Variants in TNFAIP8L3 observed in about 807,000 individuals in gnomAD.
TNFAIP8L3 encodes tumor necrosis factor alpha-induced protein 8-like protein 3.
TNFAIP8L3 carries 7 observed loss-of-function variants against 11.8 expected under a neutral mutation model. The observed-to-expected ratio is 0.59, with a 90% CI of 0.34 to 1.11. The LOEUF is 1.11. Among genes scored for constraint, TNFAIP8L3 ranks in the 50% most tolerant of loss-of-function variants. The pLI is 0.03. For synonymous variants in TNFAIP8L3, 98 were observed against 103.8 expected (o/e 0.94, Z 0.34); for missense variants, 219 against 258.6 (o/e 0.85, Z 1.05).
chr15:51,067,485 T>C (rs1240115459), intron 1 of TNFAIP8L3, among the ~76,000 whole-genome samples: 1 of 152,202 alleles, frequency 6.6e-6, no homozygotes, highest in African/African-American at 2.4e-5. Context: ...AATGGAACTC[T>C]TAGAACCTCT....
intron 1 of TNFAIP8L3, among the ~76,000 whole-genome samples, chr15:51,085,448 G>A (rs538569851): frequency 9.8e-4 from 149 of 152,290 alleles, no homozygotes; most frequent in African/African-American, 3.4e-3. Flanking sequence ...CCTGGGCAAC[G>A]TGCTAGCGTG....
In TNFAIP8L3 at chr15:51,105,167, G is replaced by A. The variant is rs760354836; in HGVS notation, c.10C>T (p.Pro4Ser). 3.1e-6 allele frequency: 5 copies of A among 1,613,454 alleles called. No individual in the cohort carries two copies. In the South Asian group the frequency reaches 5.5e-5, roughly 18 times the overall value. The change falls in exon 1 of 3, where the codon CCA (proline) becomes TCA (serine). Residue 4 changes from proline (P) to serine (S), a missense_variant. Pro to Ser is a moderately conservative substitution (Grantham distance 74, BLOSUM62 -1). Coordinates refer to the TNFAIP8L3 transcript ENST00000327536. ...ACCAGTGTGCTTGGGTTTTGCCGTG[G>A]TTTCCCCATTTGGACTCAGGTGTCC...
At chr15:51,095,214 GA>G, upstream of TNFAIP8L3, among the ~76,000 whole-genome samples, 1 of 138,280 alleles carries the variant, frequency 7.2e-6, no homozygotes, top group Non-Finnish European at 1.6e-5. Context: ...GAAGATGAGG[GA>G]AGGGGGGCGG....
At chr15:51,072,786 G>A (rs2065319755) in intron 1 of TNFAIP8L3, among the ~76,000 whole-genome samples, 1 of 151,820 alleles carries the variant, frequency 6.6e-6, no homozygotes, top group Non-Finnish European at 1.5e-5. Context: ...ATTAGACTCT[G>A]GTCTATTTCA....
intron 1 of TNFAIP8L3, among the ~76,000 whole-genome samples, chr15:51,077,038 C>CTTCT (rs2065356761): frequency 6.6e-6 from 1 of 152,162 alleles, no homozygotes; most frequent in Non-Finnish European, 1.5e-5. Context: ...AATCCTCCTG[C>CTTCT]TTCTTTCTCA....
At chr15:51,096,158 C>T (rs968451021), upstream of TNFAIP8L3, among the ~76,000 whole-genome samples, 3 of 152,124 alleles carry the variant, frequency 2.0e-5, no homozygotes, top group Non-Finnish European at 2.9e-5. Flanking sequence ...GTCTGATGTC[C>T]AGATCTGCTC....
At chr15:51,101,945 C>CAA (rs11297566) in intron 1 of TNFAIP8L3, among the ~76,000 whole-genome samples, 1,099 of 85,650 alleles carry the variant, frequency 0.013, 22 homozygotes, top group African/African-American at 0.045. Context: ...GACTCTGTCT[C>CAA]AAAAAAAAAA....
At chr15:51,087,919 T>TATATATATATATATATATATATATA (rs1555468325) in intron 1 of TNFAIP8L3, among the ~76,000 whole-genome samples, 1 of 101,562 alleles carries the variant, frequency 9.8e-6, no homozygotes, top group Non-Finnish European at 2.0e-5. Flanking sequence ...TAGCATACCT[T>TATATATATATATATATATATATATA]TATATATATA....
intron 1 of TNFAIP8L3, among the ~76,000 whole-genome samples, chr15:51,100,323 C>T (rs1341356369): frequency 6.6e-6 from 1 of 151,928 alleles, no homozygotes; most frequent in Non-Finnish European, 1.5e-5. Flanking sequence ...CTTTGAGTTA[C>T]CTAGGAAGGA....
At chr15:51,099,416 T>G (rs1279212695), upstream of TNFAIP8L3, among the ~76,000 whole-genome samples, 2 of 151,746 alleles carry the variant, frequency 1.3e-5, no homozygotes, top group East Asian at 3.9e-4. Context: ...TCAAAAGCAC[T>G]GATACAAAGG....
At chr15:51,091,910 C>A (rs918280548) in intron 1 of TNFAIP8L3, among the ~76,000 whole-genome samples, 1 of 152,184 alleles carries the variant, frequency 6.6e-6, no homozygotes, top group African/African-American at 2.4e-5. Flanking sequence ...AGGTAATAAT[C>A]AAAATAACAG....
intron 1 of TNFAIP8L3, among the ~76,000 whole-genome samples, chr15:51,079,888 G>GAAAA (rs1196826963): frequency 7.3e-6 from 1 of 136,514 alleles, no homozygotes; most frequent in Non-Finnish European, 1.6e-5. Context: ...AAGAAAGAAA[G>GAAAA]AAAAAAAAGA....
At chr15:51,061,901 C>T (rs1048762571) in intron 1 of TNFAIP8L3, among the ~76,000 whole-genome samples, 2 of 152,038 alleles carry the variant, frequency 1.3e-5, no homozygotes, top group African/African-American at 2.4e-5. Context: ...GGTGTCTTAC[C>T]AAAAGAATCA....
intron 1 of TNFAIP8L3, among the ~76,000 whole-genome samples, chr15:51,092,646 T>C (rs1386771443): frequency 6.6e-6 from 1 of 152,204 alleles, no homozygotes; most frequent in Non-Finnish European, 1.5e-5. Context: ...GTCTGCCCTG[T>C]TCTTCATGGG....
chr15:51,059,620 C>G (rs59155793), intron 1 of TNFAIP8L3, among the ~76,000 whole-genome samples: 2,535 of 152,336 alleles, frequency 0.017, 95 homozygotes, highest in African/African-American at 0.058. Flanking sequence ...CCCACAGCAC[C>G]TAGCTCGTTC....
At chr15:51,087,819 C>T (rs988570479) in intron 1 of TNFAIP8L3, among the ~76,000 whole-genome samples, 2 of 151,034 alleles carry the variant, frequency 1.3e-5, no homozygotes, top group Non-Finnish European at 2.9e-5. Context: ...CCAATATGAA[C>T]GTGAAGATTG....
chr15:51,066,455 G>C (rs867261771), intron 1 of TNFAIP8L3, among the ~76,000 whole-genome samples: 1 of 152,150 alleles, frequency 6.6e-6, no homozygotes, highest in Non-Finnish European at 1.5e-5. Flanking sequence ...GAGCCACAGC[G>C]TCTGGCCTGA....
chr15:51,065,292 G>A lies in TNFAIP8L3; in HGVS notation c.53-6849C>T, dbSNP rs565901062. Among the ~76,000 whole-genome samples, 6 of 152,322 alleles carry A rather than the reference G, an allele frequency of 3.9e-5. No individual in the cohort carries two copies. The South Asian group carries it at 1.2e-3, about 32-fold the overall frequency. ...GAGAATGGTGTGACAATGGCAGTGA[G>A]CTAGTTTGGAGAGAGAAAGCAAAAG... On this transcript the variant is annotated intron_variant, in intron 1 of 1. Coordinates refer to ENST00000637513, the MANE Select transcript of TNFAIP8L3 (RefSeq NM_001311175.2).
chr15:51,077,665 C>A (rs910000595), intron 1 of TNFAIP8L3, among the ~76,000 whole-genome samples: 1 of 152,208 alleles, frequency 6.6e-6, no homozygotes, highest in African/African-American at 2.4e-5. Flanking sequence ...CTGCCGGTCC[C>A]GTAAGAAACC....
Sources: allele counts gnomAD v4.1 joint callset (sites outside exome capture counted in the v4.1 genomes callset), GRCh38; gene constraint gnomAD v4.1.1; transcripts MANE v1.5; gene names NCBI Gene and HGNC (gene_info 2026-07-23, HGNC 2026-07-21).